SYT3: variants seen among roughly 807,000 people sequenced by gnomAD.
The protein encoded by SYT3 is synaptotagmin-3.
Under a neutral mutation model 50.6 loss-of-function variants are expected in SYT3, and 25 were observed. The ratio of observed to expected loss-of-function variants is 0.49; its 90% CI spans 0.36 to 0.69. The LOEUF (loss-of-function observed/expected upper bound fraction) is 0.69, where lower values mean the gene tolerates loss of function less well. SYT3 is among the 30% of genes least tolerant of loss of function. The probability of loss-of-function intolerance (pLI) is 0.00; values close to 1 mark genes in which losing one functional copy is unlikely to be tolerated. For synonymous variants in SYT3, 323 were observed against 353.9 expected (o/e 0.91, Z 0.98); for missense variants, 589 against 793.6 (o/e 0.74, Z 3.10).
chr19:50,642,776 G>C (rs950580261), upstream of SYT3, among the ~76,000 whole-genome samples: 11 of 152,192 alleles, frequency 7.2e-5, no homozygotes, highest in African/African-American at 2.2e-4. Context: ...AGAGGCTGCA[G>C]TGAGCCAAGA....
At position 50,628,580 on chromosome 19, in the gene SYT3, G is replaced by A. The variant is rs112816266; in HGVS notation, c.1281+714C>T. 1.8e-3 allele frequency among the ~76,000 whole-genome samples: 269 copies of A among 152,170 alleles called. 2 individuals are homozygous for A. The highest frequency in any genetic ancestry group is 6.2e-3 in the African/African-American group (256 of 41,534). On this transcript the variant is annotated intron_variant, in intron 6 of 10. Transcript: ENST00000600079. ...AATTCAGAAGTTCAGAGATTAGAGA[G>A]GGATTGGGGCTTTCAGAAGTTCAGA... is the stretch of plus-strand genomic sequence containing the variant.
At position 50,639,828 on chromosome 19, in the gene SYT3, G is replaced by A. The variant is rs978964444; in HGVS notation, c.-192C>T. On this transcript the variant is annotated 5_prime_UTR_variant, in exon 1 of 11. Coordinates refer to ENST00000600079, the MANE Select transcript of SYT3 (RefSeq NM_001160329.2). The surrounding 1 kb of genome is among the most constrained non-coding windows in gnomAD (Gnocchi z 4.6). ...TGCCGCCGCTGCCGCCGCCGCCGCC[G>A]CCGCAGCCCCGCGCGCCAGCCGCGG... 2 of 150,924 alleles carry A rather than the reference G, an allele frequency of 1.3e-5. No homozygotes were observed. The highest frequency in any genetic ancestry group is 1.8e-4 in the South Asian group (1 of 5,556). The allele number at this position is 150,924 out of a possible 1,614,324, so 9.3% of individuals were successfully genotyped here.
At chr19:50,631,106 C>T (rs1984285484) in intron 4 of SYT3, among the ~76,000 whole-genome samples, 1 of 152,112 alleles carries the variant, frequency 6.6e-6, no homozygotes, top group African/African-American at 2.4e-5. Context: ...ACTCAAAGCC[C>T]CATGTGGTCT....
At position 50,625,188 on chromosome 19, in the gene SYT3, C is replaced by T. The variant is rs757150838; in HGVS notation, c.1681G>A (p.Val561Met). 5.0e-6 allele frequency: 8 copies of T among 1,601,262 alleles called. No individual in the cohort carries two copies. Among genetic ancestry groups the T allele is most frequent in the Non-Finnish European group, 5.1e-6 (6 of 1,177,366 alleles). Residue 561 changes from valine (V) to methionine (M), a missense_variant, in exon 9 of 11, where the codon GTG (valine) becomes ATG (methionine). Around this residue, in one of 2 missense-constraint regions of SYT3, gnomAD observed 273 missense variants for 439.3 expected, o/e 0.62. Coordinates refer to ENST00000600079, the MANE Select transcript of SYT3 (RefSeq NM_001160329.2). The surrounding 1 kb of genome is among the most constrained non-coding windows in gnomAD (Gnocchi z 7.5). Reference sequence around the variant, plus strand: ...TCCACTAGCTGATGCCAGTGCTCCACGGGCTTGCGGGGATTGGCCAGCATC... The same window carrying T: ...TCCACTAGCTGATGCCAGTGCTCCATGGGCTTGCGGGGATTGGCCAGCATC... Reference protein sequence around the residue: ...AEMLANPRKPVEHWHQLVEEK... With the variant: ...AEMLANPRKPMEHWHQLVEEK...
chr19:50,653,100 C>T, the SYT3 span, among the ~76,000 whole-genome samples: 9 of 152,292 alleles, frequency 5.9e-5, 1 homozygote, highest in South Asian at 1.7e-3. Flanking sequence ...TGCAGTGGCA[C>T]GATCCCGGCT....
chr19:50,656,993 A>AAGGG, the SYT3 span, among the ~76,000 whole-genome samples: 429 of 127,156 alleles, frequency 3.4e-3, 1 homozygote, highest in African/African-American at 0.013. Flanking sequence ...GGAAGGAAGG[A>AAGGG]AGGGAGGGAG....
chr19:50,642,067 A>G (rs1396267403), upstream of SYT3, among the ~76,000 whole-genome samples: 1 of 152,182 alleles, frequency 6.6e-6, no homozygotes, highest in African/African-American at 2.4e-5. Context: ...GAACCCCCAG[A>G]AATGCCTCCC....
intron 2 of SYT3, among the ~76,000 whole-genome samples, chr19:50,638,750 T>C (rs1012017560): frequency 2.7e-5 from 4 of 150,454 alleles, no homozygotes; most frequent in African/African-American, 9.9e-5. Context: ...TGGCTAGAGA[T>C]CGCAGATAGA....
At position 50,629,461 on chromosome 19, in the gene SYT3, C is replaced by T. The variant is rs1219443490; in HGVS notation, c.1114G>A (p.Val372Met). Residue 372 changes from valine (V) to methionine (M), a missense_variant, in exon 6 of 11, where the codon GTG becomes ATG. By Grantham distance (21) the Val-to-Met change is conservative. Transcript: ENST00000600079. ...PVFNETFQFS[V>M]PLAELAQRKL... ...CGTTGGGCCAGCTCGGCCAGGGGCACCGAGAATTGAAACGTCTCATTGAAG... is the reference window on the plus strand; with the variant it reads ...CGTTGGGCCAGCTCGGCCAGGGGCATCGAGAATTGAAACGTCTCATTGAAG... The T allele has an allele frequency of 1.2e-6, 2 of 1,613,928 alleles. No homozygotes were observed. Among genetic ancestry groups the T allele is most frequent in the East Asian group, 2.2e-5 (1 of 44,876 alleles).
the SYT3 span, among the ~76,000 whole-genome samples, chr19:50,648,733 G>GCC: frequency 1.6e-5 from 2 of 127,826 alleles, no homozygotes; most frequent in Admixed American, 7.3e-5. Context: ...CAGGCCCCCT[G>GCC]CCCACCATCC....
At chr19:50,654,364 G>A in the SYT3 span, among the ~76,000 whole-genome samples, 3 of 151,384 alleles carry the variant, frequency 2.0e-5, no homozygotes, top group Admixed American at 6.6e-5. Context: ...GTGCAGTGGC[G>A]CAATCTTGGC....
chr19:50,656,450 C>T, the SYT3 span: 3 of 1,402,404 alleles, frequency 2.1e-6, no homozygotes, highest in Non-Finnish European at 2.8e-6. Context: ...AGGCTTTTGG[C>T]TTATAAGCTG....
chr19:50,652,355 C>T, the SYT3 span, among the ~76,000 whole-genome samples: 6 of 152,168 alleles, frequency 3.9e-5, no homozygotes, highest in Non-Finnish European at 1.5e-5. Flanking sequence ...AGTCCCTGCC[C>T]TTACGTTGCT....
chr19:50,639,468 A>C lies in SYT3; in HGVS notation c.-153-306T>G, dbSNP rs1206013652. Among the ~76,000 whole-genome samples, 1 of 149,762 alleles carries C rather than the reference A, an allele frequency of 6.7e-6. No homozygotes were observed. The highest frequency in any genetic ancestry group is 1.5e-5 in the Non-Finnish European group (1 of 67,496). ...GGGGTTAAGATGCTGGGGTCCCAAG[A>C]CGCTTCAGGGGAGGGGAACGATGTC... On this transcript the variant is annotated intron_variant, in intron 1 of 10. Transcript: ENST00000600079. The surrounding 1 kb of genome is among the most constrained non-coding windows in gnomAD (Gnocchi z 4.6).
chr19:50,639,261 C>A lies in SYT3; in HGVS notation c.-153-99G>T, dbSNP rs781772294. ...GACCCACTGGGAGCCCGGCCACCCC[C>A]TCCCACCTCCGGGCCCCCAGCTCCC... On this transcript the variant is annotated intron_variant, in intron 1 of 10. Coordinates refer to ENST00000600079, the MANE Select transcript of SYT3 (RefSeq NM_001160329.2). This position sits in a 1 kb window ranked among gnomAD's most constrained non-coding sequence, Gnocchi z 4.6. 6.6e-6 allele frequency: 1 copy of A among 152,156 alleles called. No homozygotes were observed. The highest frequency in any genetic ancestry group is 6.5e-5 in the Admixed American group (1 of 15,268). The allele number at this position is 152,156 out of a possible 1,614,324, so 9.4% of individuals were successfully genotyped here.
At chr19:50,627,077 C>T (rs1416119777) in intron 6 of SYT3, among the ~76,000 whole-genome samples, 1 of 152,168 alleles carries the variant, frequency 6.6e-6, no homozygotes, top group Admixed American at 6.5e-5. Context: ...TCCAGGACTG[C>T]CCCCAACCCT....
chr19:50,647,782 A>AGG, the SYT3 span, among the ~76,000 whole-genome samples: 1 of 152,172 alleles, frequency 6.6e-6, no homozygotes, highest in East Asian at 1.9e-4. Flanking sequence ...GGCAGAAGGA[A>AGG]TAGAACTTGG....
chr19:50,629,266 G>C (rs146417138), intron 6 of SYT3, 28 bp downstream of exon 6: 6 of 1,555,192 alleles, frequency 3.9e-6, no homozygotes, highest in Non-Finnish European at 5.2e-6. Context: ...CCCTGGGAAG[G>C]GGAAGGTCAG....
Position 50,625,058 on chromosome 19 carries a change from G to A in SYT3, c.1707+104C>T, listed in dbSNP as rs762428067. 1.6e-6 allele frequency: 2 copies of A among 1,244,668 alleles called. No homozygotes were observed. Among genetic ancestry groups the A allele is most frequent in the South Asian group, 2.3e-5 (1 of 43,678 alleles). 77.1% of individuals were successfully genotyped at this position (1,244,668 alleles called of 1,614,324 possible). A position where few individuals can be genotyped will look rare whatever the true frequency, so the allele number is the denominator to read the frequency against. On this transcript the variant is annotated intron_variant, in intron 9 of 10. Coordinates refer to ENST00000600079, the MANE Select transcript of SYT3 (RefSeq NM_001160329.2). The surrounding 1 kb of genome is among the most constrained non-coding windows in gnomAD (Gnocchi z 7.5). ...CACAGCAGGGATTGAAACCTAGGAC[G>A]CCTGGCTCTGCGACTCACGAACATG... is the stretch of plus-strand genomic sequence containing the variant.
Sources: gnomAD v4.1 joint callset for allele counts (sites outside exome capture counted in the v4.1 genomes callset) on GRCh38, gnomAD v4.1.1 for gene constraint, gnomAD v4.1.1 regional missense constraint, Gnocchi (gnomAD v3.1) non-coding constraint, MANE v1.5 for transcripts, NCBI Gene and HGNC (gene_info 2026-07-23, HGNC 2026-07-21) for gene names.